The following PRUNE2 variants were observed in gnomAD, a reference collection of about 807,000 sequenced individuals.
PRUNE2 encodes the protein protein prune homolog 2.
In PRUNE2, 164 loss-of-function variants were observed where a neutral mutation model predicts 252.0. The ratio of observed to expected loss-of-function variants is 0.65; its 90% CI spans 0.57 to 0.74. The LOEUF (loss-of-function observed/expected upper bound fraction) is 0.74, where lower values mean the gene tolerates loss of function less well. Ranked by LOEUF, PRUNE2 falls within the 30% of genes least tolerant of loss-of-function variation. The probability of loss-of-function intolerance (pLI) is 0.00; values close to 1 mark genes in which losing one functional copy is unlikely to be tolerated. For missense variants in PRUNE2, 3,495 were observed against 3,711.0 expected (o/e 0.94, Z 1.51); for synonymous variants, 1,292 against 1,350.2 (o/e 0.96, Z 0.94).
chr9:76,868,068 C>A (rs2060948927), intron 1 of PRUNE2, among the ~76,000 whole-genome samples: 1 of 152,072 alleles, frequency 6.6e-6, no homozygotes, highest in African/African-American at 2.4e-5. Context: ...ATTCCTTTTT[C>A]CCGTAGACAG....
intron 6 of PRUNE2, among the ~76,000 whole-genome samples, chr9:76,822,735 A>T (rs1344137505): frequency 6.6e-6 from 1 of 152,186 alleles, no homozygotes; most frequent in Non-Finnish European, 1.5e-5. Context: ...TGAACCCAGG[A>T]GGTGGAGGTT....
rs899188746 is a variant in PRUNE2 at position 76,640,802 on chromosome 9, G to C, written c.8729-2514C>G. ...CAATTCATCCTCAGCATGACGAAAAGACAGACGTTCATTAAAAGAGACAAC... is the reference window on the plus strand; with the variant it reads ...CAATTCATCCTCAGCATGACGAAAACACAGACGTTCATTAAAAGAGACAAC... On this transcript the variant is annotated intron_variant, in intron 12 of 18. Coordinates refer to ENST00000376718, the MANE Select transcript of PRUNE2 (RefSeq NM_015225.3). Among the ~76,000 whole-genome samples, 4 of 152,276 alleles carry C rather than the reference G, an allele frequency of 2.6e-5. No homozygotes were observed. In the East Asian group the frequency reaches 7.7e-4, roughly 29 times the overall value.
At chr9:76,901,271 G>A (rs145317783) in intron 1 of PRUNE2, among the ~76,000 whole-genome samples, 2 of 152,144 alleles carry the variant, frequency 1.3e-5, no homozygotes, top group Non-Finnish European at 2.9e-5. Flanking sequence ...TAAGCAAGGG[G>A]TATCACATTC....
intron 9 of PRUNE2, among the ~76,000 whole-genome samples, chr9:76,678,160 T>C (rs1449309475): frequency 2.0e-5 from 3 of 151,880 alleles, no homozygotes; most frequent in African/African-American, 4.8e-5. Context: ...GAGACCAGCC[T>C]GGCCAACACG....
chr9:76,660,493 T>A, intron 9 of PRUNE2, among the ~76,000 whole-genome samples: 1 of 151,918 alleles, frequency 6.6e-6, no homozygotes, highest in East Asian at 1.9e-4. Context: ...TCCAAAAGAA[T>A]CAGATGTGGG....
At chr9:76,787,557 T>A (rs2055117772) in intron 6 of PRUNE2, 1 of 151,924 alleles carries the variant, frequency 6.6e-6, no homozygotes, top group African/African-American at 2.4e-5. Flanking sequence ...AAGTAAAATT[T>A]AAAAAAAAGT....
At chr9:76,734,248 A>G (rs1322593310) in intron 6 of PRUNE2, among the ~76,000 whole-genome samples, 2 of 152,272 alleles carry the variant, frequency 1.3e-5, no homozygotes, top group Middle Eastern at 3.4e-3. Context: ...ATATTCAATG[A>G]TTTAATAATC....
chr9:76,616,554 A>G (rs1162644035), intron 18 of PRUNE2, among the ~76,000 whole-genome samples: 1 of 152,192 alleles, frequency 6.6e-6, no homozygotes, highest in Non-Finnish European at 1.5e-5. Context: ...TAACACTTAC[A>G]CCAGGATGCC....
At chr9:76,688,013 C>T (rs1434337395) in intron 9 of PRUNE2, among the ~76,000 whole-genome samples, 2 of 152,222 alleles carry the variant, frequency 1.3e-5, no homozygotes, top group African/African-American at 2.4e-5. Flanking sequence ...CCCACTTTCT[C>T]CTCAGTTCCT....
intron 6 of PRUNE2, among the ~76,000 whole-genome samples, chr9:76,742,809 T>G (rs2049762023): frequency 6.6e-6 from 1 of 152,196 alleles, no homozygotes; most frequent in African/African-American, 2.4e-5. Context: ...TTTTTACTAT[T>G]ATACATCTAA....
intron 6 of PRUNE2, among the ~76,000 whole-genome samples, chr9:76,789,327 GA>G (rs2055331750): frequency 6.6e-6 from 1 of 152,170 alleles, no homozygotes; most frequent in Admixed American, 6.5e-5. Context: ...TACAAAAGAA[GA>G]AATGGGGCTT....
chr9:76,875,404 C>T (rs536389569), intron 1 of PRUNE2, among the ~76,000 whole-genome samples: 4 of 152,140 alleles, frequency 2.6e-5, no homozygotes, highest in Non-Finnish European at 5.9e-5. Context: ...CTTGCTCTGT[C>T]GCCCAGGCTG....
intron 12 of PRUNE2, among the ~76,000 whole-genome samples, chr9:76,639,949 T>C (rs1841855098): frequency 6.6e-6 from 1 of 152,258 alleles, no homozygotes; most frequent in Non-Finnish European, 1.5e-5. Context: ...CATAGTTTCT[T>C]TGAAACTCAC....
At chr9:76,713,861 G>T in intron 6 of PRUNE2, 140 bp from the exon 7 acceptor site, 2 of 537,280 alleles carry the variant, frequency 3.7e-6, no homozygotes, top group South Asian at 3.7e-5. Flanking sequence ...TTTGCTTTGA[G>T]AAGGAGTGGA....
intron 4 of PRUNE2, among the ~76,000 whole-genome samples, chr9:76,840,200 C>G (rs1021873548): frequency 1.2e-4 from 19 of 152,190 alleles, no homozygotes; most frequent in Non-Finnish European, 2.6e-4. Context: ...CAACACTTAG[C>G]AACTGAGCAG....
At chr9:76,647,167 C>A (rs899341611) in intron 11 of PRUNE2, among the ~76,000 whole-genome samples, 6 of 152,146 alleles carry the variant, frequency 3.9e-5, no homozygotes, top group African/African-American at 1.4e-4. Context: ...CAGAGTGAGA[C>A]CTTGTCTCAA....
intron 1 of PRUNE2, among the ~76,000 whole-genome samples, chr9:76,879,899 A>C (rs866379942): frequency 1.3e-5 from 1 of 76,046 alleles, no homozygotes; most frequent in Non-Finnish European, 2.2e-5. Context: ...ATATATATAT[A>C]TATATTTTTT....
At chr9:76,883,905 G>C (rs1217335692) in intron 1 of PRUNE2, among the ~76,000 whole-genome samples, 3 of 152,160 alleles carry the variant, frequency 2.0e-5, no homozygotes, top group Non-Finnish European at 4.4e-5. Flanking sequence ...GGCTCATAGA[G>C]TGTCTAAGAA....
At chr9:76,900,072 G>A (rs2063079050) in intron 1 of PRUNE2, among the ~76,000 whole-genome samples, 1 of 152,170 alleles carries the variant, frequency 6.6e-6, no homozygotes, top group Non-Finnish European at 1.5e-5. Context: ...TAAGGATAGG[G>A]TGGGTTAGGG....
Sources: allele counts gnomAD v4.1 joint callset (sites outside exome capture counted in the v4.1 genomes callset), GRCh38; gene constraint gnomAD v4.1.1; transcripts MANE v1.5; gene names NCBI Gene and HGNC (gene_info 2026-07-23, HGNC 2026-07-21).